PCDHGB6: variants seen among roughly 807,000 people sequenced by gnomAD.
PCDHGB6 encodes the protein protocadherin gamma-B6.
Under a neutral mutation model 59.1 loss-of-function variants are expected in PCDHGB6, and 51 were observed. The ratio of observed to expected loss-of-function variants is 0.86; its 90% CI spans 0.69 to 1.09. The LOEUF is 1.09. PCDHGB6 is among the 50% of genes least tolerant of loss of function. PCDHGB6 has a pLI of 0.00. For synonymous variants in PCDHGB6, 466 were observed against 495.1 expected (o/e 0.94, Z 0.78); for missense variants, 1,148 against 1,205.1 (o/e 0.95, Z 0.70).
chr5:141,505,602 A>G lies in PCDHGB6; in HGVS notation c.2566+121A>G, dbSNP rs1041288927. 4.6e-5 allele frequency: 71 copies of G among 1,534,990 alleles called. 1 individual carries two copies. In the Admixed American group the frequency reaches 1.4e-3, roughly 30 times the overall value. On this transcript the variant is annotated intron_variant, in intron 3 of 3. Coordinates refer to ENST00000520790, the MANE Select transcript of PCDHGB6 (RefSeq NM_018926.3). ...GTGTAGTTTCTCCAGATCTTTCGGC[A>G]GGTCTGAAAGGACCCACAATTCCAA...
intron 1 of PCDHGB6, among the ~76,000 whole-genome samples, chr5:141,479,878 A>G (rs1033313584): frequency 2.0e-5 from 3 of 152,170 alleles, no homozygotes; most frequent in African/African-American, 7.2e-5. Context: ...AGAACCCTAT[A>G]CATACTCTCA....
Position 141,410,038 on chromosome 5 carries a change from T to C in PCDHGB6, c.1836T>C (p.Ser612=), listed in dbSNP as rs1364065272. The change falls in exon 1 of 4, where the codon AGT becomes AGC. Residue 612 remains serine (S), a synonymous_variant. Transcript: ENST00000520790. ...TGTCCTACCACGTGCTGCAGGCCAG[T>C]GAGCCCGGACTCTTCAGCCTGGGGC... ...AWLSYHVLQA[S]EPGLFSLGLR... is the part of the protein sequence containing the mutation. 1.2e-6 allele frequency: 2 copies of C among 1,613,086 alleles called. No individual in the cohort carries two copies. The highest frequency in any genetic ancestry group is 1.3e-5 in the African/African-American group (1 of 74,914).
intron 1 of PCDHGB6, chr5:141,415,551 C>A (rs745641887): frequency 5.6e-6 from 9 of 1,614,014 alleles, no homozygotes; most frequent in Non-Finnish European, 7.6e-6. Context: ...GTGAGAAAAA[C>A]GATCCTTTGT....
rs774649069 is a variant in PCDHGB6 at position 141,477,417 on chromosome 5, C to G, written c.2419-17390C>G. The G allele has an allele frequency of 1.2e-6, 2 of 1,614,172 alleles. No individual in the cohort carries two copies. The highest frequency in any genetic ancestry group is 2.7e-5 in the African/African-American group (2 of 75,032). On this transcript the variant is annotated intron_variant, in intron 1 of 3. Coordinates refer to ENST00000520790, the MANE Select transcript of PCDHGB6 (RefSeq NM_018926.3). The surrounding 1 kb of genome is among the most constrained non-coding windows in gnomAD (Gnocchi z 4.9). Reference sequence around the variant, plus strand: ...AGCATCACCGCCCGAGACGCCGGAACCCCTTCCCTCTCAGCCCTTACAATA... The same window carrying G: ...AGCATCACCGCCCGAGACGCCGGAAGCCCTTCCCTCTCAGCCCTTACAATA...
chr5:141,439,455 C>T (rs62379163), intron 1 of PCDHGB6, among the ~76,000 whole-genome samples: 5,115 of 152,308 alleles, frequency 0.034, 100 homozygotes, highest in Middle Eastern at 0.088. Context: ...GGGAGCAAGA[C>T]TGCACTGCTG....
chr5:141,463,500 G>A (rs866521006), intron 1 of PCDHGB6, among the ~76,000 whole-genome samples: 30 of 139,838 alleles, frequency 2.1e-4, no homozygotes, highest in African/African-American at 7.0e-4. Context: ...CCAGGCTGGA[G>A]TGACGTGGCG....
At chr5:141,463,165 C>G (rs1042153238) in intron 1 of PCDHGB6, among the ~76,000 whole-genome samples, 1 of 152,148 alleles carries the variant, frequency 6.6e-6, no homozygotes, top group Non-Finnish European at 1.5e-5. Context: ...TCAGTGCACT[C>G]TATGTATGCT....
intron 1 of PCDHGB6, among the ~76,000 whole-genome samples, chr5:141,461,782 TAG>T (rs2099022757): frequency 6.6e-6 from 1 of 152,086 alleles, no homozygotes; most frequent in South Asian, 2.1e-4. Context: ...GCCTCCCAAG[TAG>T]CTGGGATTAC....
At position 141,491,823 on chromosome 5, in the gene PCDHGB6, C is replaced by G; in HGVS notation, c.2419-2984C>G. Reference sequence around the variant, plus strand: ...GCCGGCTTGGTCGCTGGCTGCGCTCCACCCGATTCTCGGGATCATTGGACC... The same window carrying G: ...GCCGGCTTGGTCGCTGGCTGCGCTCGACCCGATTCTCGGGATCATTGGACC... On this transcript the variant is annotated intron_variant, in intron 1 of 3. Transcript: ENST00000520790. The surrounding 1 kb of genome is among the most constrained non-coding windows in gnomAD (Gnocchi z 6.9). The G allele has an allele frequency of 6.8e-7, 1 of 1,479,156 alleles. No individual in the cohort carries two copies. Among genetic ancestry groups the G allele is most frequent in the Non-Finnish European group, 9.0e-7 (1 of 1,115,292 alleles). 91.6% of individuals were successfully genotyped at this position (1,479,156 alleles called of 1,614,324 possible). A position where few individuals can be genotyped will look rare whatever the true frequency, so the allele number is the denominator to read the frequency against.
intron 3 of PCDHGB6, 122 bp downstream of exon 3, chr5:141,505,603 G>A (rs900982128): frequency 6.5e-7 from 1 of 1,534,594 alleles, no homozygotes; most frequent in African/African-American, 1.4e-5. Flanking sequence ...TCTTTCGGCA[G>A]GTCTGAAAGG....
At chr5:141,458,081 GTAAGT>G (rs2098936973) in intron 1 of PCDHGB6, among the ~76,000 whole-genome samples, 1 of 152,186 alleles carries the variant, frequency 6.6e-6, no homozygotes, top group Non-Finnish European at 1.5e-5. Context: ...CTATATTGCC[GTAAGT>G]TAAGAGTACT....
At position 141,476,359 on chromosome 5, in the gene PCDHGB6, G is replaced by A; in HGVS notation, c.2419-18448G>A. On this transcript the variant is annotated intron_variant, in intron 1 of 3. Coordinates refer to ENST00000520790, the MANE Select transcript of PCDHGB6 (RefSeq NM_018926.3). This position sits in a 1 kb window ranked among gnomAD's most constrained non-coding sequence, Gnocchi z 7.6. ...GCCGAAGATTCTTTGAGGTGAACCG[G>A]GAGACCGGAGAGATGTTTGTGAACG... The A allele has an allele frequency of 6.2e-7, 1 of 1,614,170 alleles. No individual in the cohort carries two copies. The highest frequency in any genetic ancestry group is 8.5e-7 in the Non-Finnish European group (1 of 1,180,020).
In PCDHGB6 at chr5:141,428,081, C is replaced by A. The variant is rs768842388; in HGVS notation, c.2418+17461C>A. 14 of 1,609,100 alleles carry A rather than the reference C, an allele frequency of 8.7e-6. No individual in the cohort carries two copies. In the African/African-American group the frequency reaches 1.1e-4, roughly 12 times the overall value. ...CGGTGGACGCAGATTCGGGACACAA[C>A]GCTTGGCTGTCCTACCACGTGCTGC... is the stretch of plus-strand genomic sequence containing the variant. On this transcript the variant is annotated intron_variant, in intron 1 of 3. Transcript: ENST00000520790.
intron 1 of PCDHGB6, chr5:141,418,282 A>G (rs1209026046): frequency 6.2e-7 from 1 of 1,614,030 alleles, no homozygotes; most frequent in Admixed American, 1.7e-5. Flanking sequence ...TAAACTTAGA[A>G]ATCAGTGAAT....
chr5:141,423,484 A>G, intron 1 of PCDHGB6: 1 of 1,613,722 alleles, frequency 6.2e-7, no homozygotes, highest in Non-Finnish European at 8.5e-7. Flanking sequence ...TTTCCTGCAA[A>G]CCTATTCCCA....
At chr5:141,436,439 A>G (rs1481744238) in intron 1 of PCDHGB6, among the ~76,000 whole-genome samples, 5 of 152,208 alleles carry the variant, frequency 3.3e-5, no homozygotes, top group African/African-American at 1.2e-4. Flanking sequence ...TCTGGGGATT[A>G]CCTGATACCA....
intron 1 of PCDHGB6, chr5:141,478,112 G>A (rs2099430344): frequency 1.2e-6 from 2 of 1,613,968 alleles, no homozygotes; most frequent in South Asian, 2.2e-5. Flanking sequence ...CACTGTGTCA[G>A]TAACCGAGGA....
chr5:141,415,947 C>T (rs1161530180), intron 1 of PCDHGB6: 1 of 532,382 alleles, frequency 1.9e-6, no homozygotes, highest in Admixed American at 4.2e-5. Flanking sequence ...CCTGGGTGGT[C>T]ACATATTGAA....
intron 1 of PCDHGB6, chr5:141,424,599 GATTT>G (rs1016470290): frequency 3.9e-5 from 6 of 152,170 alleles, no homozygotes; most frequent in Non-Finnish European, 8.8e-5. Flanking sequence ...GATGTCTACA[GATTT>G]ATTCAAATAG....
Sources: allele counts gnomAD v4.1 joint callset (sites outside exome capture counted in the v4.1 genomes callset), GRCh38; gene constraint gnomAD v4.1.1; non-coding constraint Gnocchi (gnomAD v3.1); transcripts MANE v1.5; gene names NCBI Gene and HGNC (gene_info 2026-07-23, HGNC 2026-07-21).